The following ATP6V1H variants were observed in gnomAD, a reference collection of about 807,000 sequenced individuals.
ATP6V1H encodes ATPase H+ transporting V1 subunit H, also known as V-type proton ATPase subunit H.
Under a neutral mutation model 71.7 loss-of-function variants are expected in ATP6V1H, and 39 were observed. That is an observed-to-expected ratio of 0.54 (90% CI 0.42 to 0.71). The LOEUF (loss-of-function observed/expected upper bound fraction) is 0.71, where lower values mean the gene tolerates loss of function less well. ATP6V1H is among the 30% of genes least tolerant of loss of function. The pLI is 0.00. For missense variants in ATP6V1H, 509 were observed against 594.9 expected (o/e 0.86, Z 1.50); for synonymous variants, 192 against 199.3 (o/e 0.96, Z 0.31).
intron 13 of ATP6V1H, among the ~76,000 whole-genome samples, chr8:53,735,530 C>G (rs1807173293): frequency 6.6e-6 from 1 of 152,182 alleles, no homozygotes; most frequent in African/African-American, 2.4e-5. Context: ...TATGCTCCTC[C>G]TCCAAGTCAG....
intron 11 of ATP6V1H, among the ~76,000 whole-genome samples, chr8:53,759,604 C>G (rs1281390050): frequency 1.3e-5 from 2 of 152,226 alleles, no homozygotes; most frequent in African/African-American, 4.8e-5. Flanking sequence ...TGAAAAGCAT[C>G]TGTTCAAATC....
At chr8:53,792,929 C>T (rs926190728) in intron 9 of ATP6V1H, among the ~76,000 whole-genome samples, 5 of 152,162 alleles carry the variant, frequency 3.3e-5, no homozygotes, top group Admixed American at 3.3e-4. Context: ...CTTAACCTCT[C>T]GTGTCCTAGT....
intron 12 of ATP6V1H, among the ~76,000 whole-genome samples, chr8:53,750,857 G>A (rs1807770053): frequency 6.6e-6 from 1 of 152,176 alleles, no homozygotes; most frequent in East Asian, 1.9e-4. Context: ...GCTTGAAGTA[G>A]CAGACACTTT....
At chr8:53,757,060 A>G (rs1000437846) in intron 11 of ATP6V1H, among the ~76,000 whole-genome samples, 1 of 152,238 alleles carries the variant, frequency 6.6e-6, no homozygotes, top group African/African-American at 2.4e-5. Context: ...GGGTGGACTG[A>G]GCACTAAGCA....
intron 4 of ATP6V1H, among the ~76,000 whole-genome samples, chr8:53,828,760 A>G (rs1346803175): frequency 1.3e-5 from 2 of 152,010 alleles, no homozygotes; most frequent in African/African-American, 4.8e-5. Context: ...TTTTTTCCTT[A>G]TAAGTTAATA....
At chr8:53,761,909 G>A (rs1276613373) in intron 11 of ATP6V1H, among the ~76,000 whole-genome samples, 1 of 152,134 alleles carries the variant, frequency 6.6e-6, no homozygotes, top group East Asian at 1.9e-4. Flanking sequence ...AAATATTGAA[G>A]CGGAAAGTCA....
At chr8:53,823,408 C>A (rs925877959) in intron 4 of ATP6V1H, among the ~76,000 whole-genome samples, 2 of 152,032 alleles carry the variant, frequency 1.3e-5, no homozygotes, top group Non-Finnish European at 2.9e-5. Flanking sequence ...AAACCTAAAT[C>A]ACTACATATC....
chr8:53,716,790 T>G, intron 13 of ATP6V1H, among the ~76,000 whole-genome samples: 1 of 152,244 alleles, frequency 6.6e-6, no homozygotes, highest in East Asian at 1.9e-4. Context: ...CAGACACCAC[T>G]GTGAATTCCA....
intron 9 of ATP6V1H, among the ~76,000 whole-genome samples, chr8:53,781,385 G>A (rs1206577930): frequency 3.9e-5 from 6 of 152,114 alleles, no homozygotes; most frequent in Non-Finnish European, 8.8e-5. Flanking sequence ...TTTTGATGGG[G>A]TTGTTTGTTT....
chr8:53,805,154 A>G (rs1313084853), intron 7 of ATP6V1H, among the ~76,000 whole-genome samples: 1 of 152,232 alleles, frequency 6.6e-6, no homozygotes, highest in African/African-American at 2.4e-5. Context: ...CTAGGATTTA[A>G]GTGCAAACTA....
chr8:53,735,584 T>C (rs960311619), intron 13 of ATP6V1H, among the ~76,000 whole-genome samples: 6 of 152,126 alleles, frequency 3.9e-5, no homozygotes, highest in South Asian at 2.1e-4. Context: ...CTATAAGATT[T>C]TGTTCAGTCG....
At chr8:53,796,261 G>A (rs1434213372) in intron 8 of ATP6V1H, among the ~76,000 whole-genome samples, 3 of 152,074 alleles carry the variant, frequency 2.0e-5, no homozygotes, top group Non-Finnish European at 2.9e-5. Flanking sequence ...CCTGTGATGG[G>A]TTCAAATTTG....
At chr8:53,765,485 ACACACAC>A (rs1808425755) in intron 11 of ATP6V1H, among the ~76,000 whole-genome samples, 1 of 150,040 alleles carries the variant, frequency 6.7e-6, no homozygotes, top group Admixed American at 6.7e-5. Flanking sequence ...ACACACACAC[ACACACAC>A]ACACACACAA....
chr8:53,789,735 AT>A (rs138069893), intron 9 of ATP6V1H, among the ~76,000 whole-genome samples: 4,941 of 152,240 alleles, frequency 0.032, 265 homozygotes, highest in African/African-American at 0.11. Flanking sequence ...ATAACAAGAA[AT>A]AATTATAAAT....
chr8:53,775,071 C>T lies in ATP6V1H; in HGVS notation c.871-2904G>A, dbSNP rs563773386. On this transcript the variant is annotated intron_variant, in intron 9 of 13. Transcript: ENST00000359530. ...AGGCGGCGTGTCCGGAGTTTGTTCC[C>T]TCTGATGTTCAGATGTGTTCGGAGT... is the stretch of plus-strand genomic sequence containing the variant. Among the ~76,000 whole-genome samples the T allele has an allele frequency of 2.2e-3, 336 of 152,306 alleles. 2 individuals are homozygous for T. Among genetic ancestry groups the T allele is most frequent in the African/African-American group, 7.8e-3 (325 of 41,566 alleles).
At chr8:53,775,540 G>A (rs1350858058) in intron 9 of ATP6V1H, among the ~76,000 whole-genome samples, 1 of 152,160 alleles carries the variant, frequency 6.6e-6, no homozygotes, top group African/African-American at 2.4e-5. Context: ...GTTAGATACA[G>A]AGTTTGGACA....
chr8:53,742,442 C>T (rs921007067), intron 13 of ATP6V1H, among the ~76,000 whole-genome samples: 1 of 152,188 alleles, frequency 6.6e-6, no homozygotes, highest in Non-Finnish European at 1.5e-5. Context: ...AGTAATAGAG[C>T]TGTATGGCTG....
At chr8:53,758,176 T>C (rs1367895259) in intron 11 of ATP6V1H, among the ~76,000 whole-genome samples, 1 of 152,226 alleles carries the variant, frequency 6.6e-6, no homozygotes, top group Non-Finnish European at 1.5e-5. Flanking sequence ...ATTCTAAAAT[T>C]ACATTAAATT....
chr8:53,795,755 A>C lies in ATP6V1H; in HGVS notation c.762T>G (p.Pro254=), dbSNP rs1809707918. ...AGCGCCGCAGGTGTTCACACATTTG[A>C]GGACTGAATGCCAGGAGCCATATTG... ...IFSIWLLAFS[P]QMCEHLRRYN... is the part of the protein sequence containing the mutation. The change falls in exon 9 of 14, where the codon CCT becomes CCG. Residue 254 remains proline (P), a synonymous_variant. Transcript: ENST00000359530. The C allele has an allele frequency of 8.1e-6, 13 of 1,614,136 alleles. No homozygotes were observed. The highest frequency in any genetic ancestry group is 9.3e-6 in the Non-Finnish European group (11 of 1,179,990).
Sources: gnomAD v4.1 joint callset for allele counts (sites outside exome capture counted in the v4.1 genomes callset) on GRCh38, gnomAD v4.1.1 for gene constraint, MANE v1.5 for transcripts, NCBI Gene and HGNC (gene_info 2026-07-23, HGNC 2026-07-21) for gene names.